SOX6: variants seen among roughly 807,000 people sequenced by gnomAD.
SOX6 encodes transcription factor SOX-6.
SOX6 carries 11 observed loss-of-function variants against 97.8 expected under a neutral mutation model. That is an observed-to-expected ratio of 0.11 (90% CI 0.07 to 0.19). SOX6 has a LOEUF of 0.19. SOX6 is among the 10% of genes least tolerant of loss of function. SOX6 has a pLI of 1.00. For synonymous variants in SOX6, 360 were observed against 371.4 expected (o/e 0.97, Z 0.35); for missense variants, 810 against 1,039.5 (o/e 0.78, Z 3.04).
intron 15 of SOX6, among the ~76,000 whole-genome samples, chr11:15,976,573 C>T (rs1590102283): frequency 2.0e-5 from 3 of 151,302 alleles, no homozygotes; most frequent in South Asian, 4.1e-4. Context: ...TTGGACTCTC[C>T]GTGAGTGCCA....
intron 7 of SOX6, among the ~76,000 whole-genome samples, chr11:16,108,315 C>T (rs1477229671): frequency 2.0e-5 from 3 of 152,078 alleles, no homozygotes; most frequent in South Asian, 2.1e-4. Context: ...GCTTTCTAGC[C>T]GCAATCATGT....
chr11:16,019,040 T>C (rs534758904), intron 12 of SOX6, among the ~76,000 whole-genome samples: 1 of 152,114 alleles, frequency 6.6e-6, no homozygotes, highest in Non-Finnish European at 1.5e-5. Context: ...ACAGTTTGCT[T>C]GCCAGAGAGA....
intron 1 of SOX6, among the ~76,000 whole-genome samples, chr11:16,348,332 C>T (rs1330024144): frequency 6.6e-6 from 1 of 152,134 alleles, no homozygotes; most frequent in Non-Finnish European, 1.5e-5. Context: ...TGAAGACAAT[C>T]AAATTGTCAC....
intron 6 of SOX6, among the ~76,000 whole-genome samples, chr11:16,182,416 T>A (rs1851369893): frequency 6.6e-6 from 1 of 151,528 alleles, no homozygotes; most frequent in Non-Finnish European, 1.5e-5. Flanking sequence ...TACAGAAAAA[T>A]GTAGGAAGCC....
chr11:16,588,896 TGGCC>T (rs1848122959), intron 4 of SOX6, among the ~76,000 whole-genome samples: 1 of 151,996 alleles, frequency 6.6e-6, no homozygotes, highest in African/African-American at 2.4e-5. Flanking sequence ...CACAGCATGG[TGGCC>T]TATCATCCCA....
intron 9 of SOX6, among the ~76,000 whole-genome samples, chr11:16,094,470 AAAG>A (rs1243814199): frequency 6.6e-6 from 1 of 151,982 alleles, no homozygotes; most frequent in Non-Finnish European, 1.5e-5. Flanking sequence ...AACAGGAGAG[AAAG>A]AAAAGTCCCA....
At chr11:16,183,596 T>C (rs1851397134) in intron 6 of SOX6, among the ~76,000 whole-genome samples, 1 of 152,026 alleles carries the variant, frequency 6.6e-6, no homozygotes, top group Non-Finnish European at 1.5e-5. Flanking sequence ...AAATACCATC[T>C]GTATGCTACC....
chr11:16,381,982 G>A (rs1329458043), intron 1 of SOX6, among the ~76,000 whole-genome samples: 1 of 151,844 alleles, frequency 6.6e-6, no homozygotes, highest in African/African-American at 2.4e-5. Flanking sequence ...ATCAAAGTCT[G>A]GTAATTTTTC....
chr11:16,407,166 A>G (rs1293188762), intron 1 of SOX6, among the ~76,000 whole-genome samples: 3 of 152,148 alleles, frequency 2.0e-5, no homozygotes, highest in Non-Finnish European at 4.4e-5. Context: ...GTTCATTACT[A>G]TATCTTAGAA....
intron 4 of SOX6, among the ~76,000 whole-genome samples, chr11:16,608,935 G>A (rs577891661): frequency 2.6e-5 from 4 of 152,252 alleles, no homozygotes; most frequent in African/African-American, 9.6e-5. Context: ...CAGTCACCCA[G>A]GATGACATAT....
intron 4 of SOX6, among the ~76,000 whole-genome samples, chr11:16,565,965 G>A (rs1404511105): frequency 3.3e-5 from 5 of 151,906 alleles, no homozygotes; most frequent in Non-Finnish European, 7.4e-5. Context: ...GCGTGGTGAC[G>A]GGCGCCTGTA....
chr11:16,475,065 G>A (rs1488279403), intron 1 of SOX6, among the ~76,000 whole-genome samples: 1 of 152,128 alleles, frequency 6.6e-6, no homozygotes, highest in Non-Finnish European at 1.5e-5. Context: ...ACTTTCTTCT[G>A]CAGCTTCCTC....
Position 15,971,782 on chromosome 11 carries a change from AAAAAC to A in SOX6, c.*1022_*1026del. ...AAAAGTTCTTCGGGGAAGGAAGGTG[AAAAAC>A]AAGAATTATTAAATTAATGCCACCA... On this transcript the variant is annotated 3_prime_UTR_variant, in exon 16 of 16. Coordinates refer to ENST00000683767, the MANE Select transcript of SOX6 (RefSeq NM_001367873.1). The A allele has an allele frequency of 6.5e-6, 1 of 152,780 alleles. No individual in the cohort carries two copies. 9.5% of individuals were successfully genotyped at this position (152,780 alleles called of 1,614,324 possible).
At chr11:16,066,167 C>G (rs1848088958) in intron 9 of SOX6, among the ~76,000 whole-genome samples, 1 of 152,130 alleles carries the variant, frequency 6.6e-6, no homozygotes, top group African/African-American at 2.4e-5. Context: ...AAAAGTTGCT[C>G]AACATCACTA....
chr11:16,696,462 C>T (rs1362939541), intron 3 of SOX6, among the ~76,000 whole-genome samples: 1 of 152,052 alleles, frequency 6.6e-6, no homozygotes, highest in African/African-American at 2.4e-5. Context: ...TATAGGCATA[C>T]CTTCAGAGAT....
intron 1 of SOX6, among the ~76,000 whole-genome samples, chr11:16,370,287 C>G (rs995625332): frequency 6.6e-6 from 1 of 152,060 alleles, no homozygotes; most frequent in South Asian, 2.1e-4. Context: ...TTTTCCAATG[C>G]CTATGTAACA....
intron 1 of SOX6, among the ~76,000 whole-genome samples, chr11:16,445,201 C>T (rs1565148347): frequency 6.6e-6 from 1 of 152,146 alleles, no homozygotes; most frequent in Non-Finnish European, 1.5e-5. Context: ...AATACATAAA[C>T]ATGGTAACAC....
chr11:16,631,782 A>T (rs879537685), intron 3 of SOX6, among the ~76,000 whole-genome samples: 2 of 152,100 alleles, frequency 1.3e-5, no homozygotes, highest in South Asian at 2.1e-4. Flanking sequence ...CATTTTTTTT[A>T]AATTCTTTTT....
intron 3 of SOX6, among the ~76,000 whole-genome samples, chr11:16,277,722 G>A (rs1243833715): frequency 4.6e-5 from 7 of 152,138 alleles, no homozygotes; most frequent in African/African-American, 1.4e-4. Context: ...TCCCACATTC[G>A]TTTATCTTTC....
Sources: allele counts gnomAD v4.1 joint callset (sites outside exome capture counted in the v4.1 genomes callset), GRCh38; gene constraint gnomAD v4.1.1; transcripts MANE v1.5; gene names NCBI Gene and HGNC (gene_info 2026-07-23, HGNC 2026-07-21).